C5: variants seen among roughly 807,000 people sequenced by gnomAD.
C5 encodes the protein complement C5, also known as C3 and PZP-like alpha-2-macroglobulin domain-containing protein 4.
A neutral mutation model predicts 218.8 loss-of-function variants in C5; 140 were observed. The observed-to-expected ratio is 0.64, with a 90% confidence interval of 0.56 to 0.74. C5 has a LOEUF of 0.74. Among genes scored for constraint, C5 ranks in the 30% least tolerant of loss-of-function variants. The pLI is 0.00. For synonymous variants in C5, 614 were observed against 682.3 expected (o/e 0.90, Z 1.56); for missense variants, 1,700 against 1,969.6 (o/e 0.86, Z 2.59).
At chr9:121,017,585 T>C (rs1587981096) in intron 13 of C5, 58 bp downstream of exon 13, 1 of 1,603,686 alleles carries the variant, frequency 6.2e-7, no homozygotes, top group East Asian at 2.2e-5. Flanking sequence ...AGCTAAAACT[T>C]TGGCAGCCTC....
intron 29 of C5, among the ~76,000 whole-genome samples, chr9:120,975,712 C>T (rs2046948282): frequency 6.6e-6 from 1 of 152,174 alleles, no homozygotes; most frequent in African/African-American, 2.4e-5. Context: ...CCAGGTGCAG[C>T]CCCCCTGATC....
chr9:121,054,090 T>C (rs919061281), upstream of C5, among the ~76,000 whole-genome samples: 1 of 152,126 alleles, frequency 6.6e-6, no homozygotes, highest in Non-Finnish European at 1.5e-5. Flanking sequence ...ATTGAATTCC[T>C]GGCCGTGATG....
At chr9:121,064,426 A>T in the C5 span, among the ~76,000 whole-genome samples, 2 of 152,198 alleles carry the variant, frequency 1.3e-5, no homozygotes, top group African/African-American at 4.8e-5. Context: ...CTGTTAACAA[A>T]AATACATTTC....
chr9:121,061,793 C>T, the C5 span, among the ~76,000 whole-genome samples: 1 of 152,128 alleles, frequency 6.6e-6, no homozygotes, highest in Non-Finnish European at 1.5e-5. Flanking sequence ...ATATATATTC[C>T]ATTCTTCCCA....
intron 33 of C5, among the ~76,000 whole-genome samples, chr9:120,965,747 A>G (rs1297344971): frequency 6.6e-6 from 1 of 152,184 alleles, no homozygotes; most frequent in African/African-American, 2.4e-5. Flanking sequence ...GGGTAGAAGC[A>G]GAGCACTCTT....
chr9:121,046,393 A>G lies in C5; in HGVS notation c.66-10T>C. The G allele has an allele frequency of 6.3e-7, 1 of 1,596,610 alleles. No homozygotes were observed. Among genetic ancestry groups the G allele is most frequent in the African/African-American group, 1.3e-5 (1 of 74,668 alleles). On this transcript the variant is annotated splice_polypyrimidine_tract_variant and intron_variant, in intron 1 of 40. Coordinates refer to ENST00000223642, the MANE Select transcript of C5 (RefSeq NM_001735.3). ...TGCTGAAATGACATATCTGTTGAAA[A>G]AGGAAAAGATAAGGCTCAATGTCTT...
intron 11 of C5, among the ~76,000 whole-genome samples, chr9:121,020,521 A>G (rs2047355637): frequency 6.6e-6 from 1 of 152,226 alleles, no homozygotes; most frequent in African/African-American, 2.4e-5. Context: ...ATGCCTAAGC[A>G]TTTAGGAAAT....
At chr9:121,033,251 G>C (rs2047493519) in intron 5 of C5, among the ~76,000 whole-genome samples, 1 of 152,154 alleles carries the variant, frequency 6.6e-6, no homozygotes, top group South Asian at 2.1e-4. Flanking sequence ...CCACCTTAAA[G>C]AGTTTATAAG....
chr9:120,980,225 G>T lies in C5; in HGVS notation c.3516C>A (p.Asp1172Glu), dbSNP rs1388998694. The change falls in exon 28 of 41, where the codon GAC becomes GAA. Residue 1172 changes from aspartate (D) to glutamate (E), a missense_variant. By Grantham distance (45) the Asp-to-Glu change is conservative. Coordinates refer to ENST00000223642, the MANE Select transcript of C5 (RefSeq NM_001735.3). The stretch of plus-strand genomic sequence containing the variant: ...GCAGTGTATTTTCAAGCAGAAAGTT[G>T]TCAGCTTTAATTAGAGCTGTGTCGA... ...VKIDTALIKA[D>E]NFLLENTLPA... 1 of 1,614,104 alleles carries T rather than the reference G, an allele frequency of 6.2e-7. No individual in the cohort carries two copies. Among genetic ancestry groups the T allele is most frequent in the Admixed American group, 1.7e-5 (1 of 60,014 alleles).
At chr9:120,993,713 C>T (rs903630038) in intron 22 of C5, among the ~76,000 whole-genome samples, 8 of 152,172 alleles carry the variant, frequency 5.3e-5, no homozygotes, top group South Asian at 2.1e-4. Flanking sequence ...TGAGCCACCG[C>T]GCCTGGCCGA....
At chr9:120,998,578 CT>C in intron 20 of C5, among the ~76,000 whole-genome samples, 2 of 152,326 alleles carry the variant, frequency 1.3e-5, no homozygotes, top group African/African-American at 4.8e-5. Flanking sequence ...GCTTACTTTT[CT>C]AATTTTATCA....
intron 28 of C5, chr9:120,979,490 C>G (rs889479508): frequency 3.3e-5 from 5 of 152,428 alleles, no homozygotes; most frequent in African/African-American, 7.2e-5. Context: ...TTTTGGGGAG[C>G]CTGTTTTGTT....
At chr9:121,066,219 G>A in the C5 span, among the ~76,000 whole-genome samples, 1 of 146,548 alleles carries the variant, frequency 6.8e-6, no homozygotes, top group Non-Finnish European at 1.5e-5. Flanking sequence ...GGCTGAGGCA[G>A]AAGAATCACT....
At position 121,044,425 on chromosome 9, in the gene C5, G is replaced by A. The variant is rs41307978; in HGVS notation, c.259-1259C>T. On this transcript the variant is annotated intron_variant, in intron 2 of 40. Transcript: ENST00000223642. ...TGGGAGGCGAAGGCTGCAGTGAGCCGATATTACACCACTGTCTTCCAGCCT... is the reference window on the plus strand; with the variant it reads ...TGGGAGGCGAAGGCTGCAGTGAGCCAATATTACACCACTGTCTTCCAGCCT... 8.2e-3 allele frequency among the ~76,000 whole-genome samples: 1,253 copies of A among 152,160 alleles called. 6 individuals carry two copies. The highest frequency in any genetic ancestry group is 0.013 in the African/African-American group (544 of 41,516).
At chr9:120,953,214 G>A (rs553006751) in intron 40 of C5, among the ~76,000 whole-genome samples, 31 of 152,192 alleles carry the variant, frequency 2.0e-4, no homozygotes, top group Admixed American at 1.5e-3. Flanking sequence ...GTGAGCCACC[G>A]TGCCCAGCCT....
At chr9:121,016,186 A>T in intron 15 of C5, 68 bp downstream of exon 15, 1 of 1,588,292 alleles carries the variant, frequency 6.3e-7, no homozygotes. Flanking sequence ...GGGAAGAAGG[A>T]TAAAAATGAG....
chr9:121,007,878 G>A (rs549541664), intron 18 of C5, among the ~76,000 whole-genome samples: 6 of 152,278 alleles, frequency 3.9e-5, no homozygotes, highest in East Asian at 3.9e-4. Flanking sequence ...AAGGAGATGC[G>A]TGAGGAGACA....
At chr9:121,041,683 G>C (rs1438428380) in intron 3 of C5, among the ~76,000 whole-genome samples, 1 of 152,140 alleles carries the variant, frequency 6.6e-6, no homozygotes, top group Non-Finnish European at 1.5e-5. Flanking sequence ...ATGACCCTTA[G>C]TTGTGGGACG....
chr9:120,994,273 C>T (rs963961156), intron 22 of C5, among the ~76,000 whole-genome samples: 2 of 151,796 alleles, frequency 1.3e-5, no homozygotes, highest in Admixed American at 6.6e-5. Flanking sequence ...AGTTGTATAG[C>T]GATTTCAATA....
Sources: allele counts gnomAD v4.1 joint callset (sites outside exome capture counted in the v4.1 genomes callset), GRCh38; gene constraint gnomAD v4.1.1; transcripts MANE v1.5; gene names NCBI Gene and HGNC (gene_info 2026-07-23, HGNC 2026-07-21).